ZFP57: variants seen among roughly 807,000 people sequenced by gnomAD.
The protein encoded by ZFP57 is zinc finger protein 57 homolog.
ZFP57 carries 12 observed loss-of-function variants against 15.8 expected under a neutral mutation model. That is an observed-to-expected ratio of 0.76 (90% CI 0.49 to 1.23). The LOEUF (loss-of-function observed/expected upper bound fraction) is 1.23, where lower values mean the gene tolerates loss of function less well. Ranked by LOEUF, ZFP57 falls within the 50% of genes most tolerant of loss-of-function variation. The pLI, the probability that ZFP57 is intolerant of heterozygous loss-of-function variation, is 0.00. For synonymous variants in ZFP57, 203 were observed against 242.3 expected, an observed-to-expected ratio of 0.84 and a Z score of 1.51; for missense variants, 536 against 654.9, an observed-to-expected ratio of 0.82 and a Z score of 1.98.
At chr6:29,676,765 G>A (rs1201073228) in intron 2 of ZFP57, 116 bp downstream of exon 2, 4 of 1,366,562 alleles carry the variant, frequency 2.9e-6, no homozygotes, top group African/African-American at 1.5e-5. Context: ...TTTTCTGGAT[G>A]TCGTTCAGTC....
intron 1 of ZFP57, among the ~76,000 whole-genome samples, chr6:29,678,063 G>T (rs1016946262): frequency 6.6e-6 from 1 of 152,138 alleles, no homozygotes; most frequent in African/African-American, 2.4e-5. Context: ...AAATAGCTGG[G>T]CATAGTGGCA....
intron 1 of ZFP57, among the ~76,000 whole-genome samples, chr6:29,677,675 C>T (rs554252275): frequency 1.3e-5 from 2 of 152,142 alleles, no homozygotes; most frequent in South Asian, 2.1e-4. Context: ...CAGATCACCT[C>T]GAGTGAGTCT....
At chr6:29,674,905 C>G (rs1181191766) in intron 4 of ZFP57, among the ~76,000 whole-genome samples, 1 of 152,138 alleles carries the variant, frequency 6.6e-6, no homozygotes, top group East Asian at 1.9e-4. Context: ...GTAATCCCAG[C>G]ACTTTGGGAG....
chr6:29,679,605 T>A (rs925296977), intron 1 of ZFP57, among the ~76,000 whole-genome samples: 1 of 152,150 alleles, frequency 6.6e-6, no homozygotes, highest in Admixed American at 6.5e-5. Context: ...ACAGCCTTAA[T>A]AAGGCTGGGC....
intron 2 of ZFP57, among the ~76,000 whole-genome samples, chr6:29,676,399 G>A (rs902192989): frequency 6.6e-6 from 1 of 152,010 alleles, no homozygotes; most frequent in African/African-American, 2.4e-5. Flanking sequence ...AGCTGGGCAT[G>A]GTGGCGCATG....
In ZFP57 at chr6:29,673,010, C is replaced by G. The variant is rs202183128; in HGVS notation, c.1101G>C (p.Gln367His). 65 of 1,612,916 alleles carry G rather than the reference C, an allele frequency of 4.0e-5. No individual in the cohort carries two copies. The highest frequency in any genetic ancestry group is 1.6e-4 in the Middle Eastern group (1 of 6,084). The change falls in exon 5 of 5, where the codon CAG becomes CAC. Residue 367 changes from glutamine (Q) to histidine (H), a missense_variant. Coordinates refer to ENST00000376883, the MANE Select transcript of ZFP57 (RefSeq NM_001109809.5). The surrounding 1 kb of genome is among the most constrained non-coding windows in gnomAD (Gnocchi z 4.7). Reference protein sequence around the residue: ...TQAPITGTLCQDARSNSHPVK... With the variant: ...TQAPITGTLCHDARSNSHPVK... ...CTGGATGAGAGTTGGATCTGGCATC[C>G]TGACAGAGGGTTCCAGTGATGGGTG...
At chr6:29,676,102 ATGTG>A (rs9280638) in intron 2 of ZFP57, 43 bp from the exon 3 acceptor site, 158 of 1,264,208 alleles carry the variant, frequency 1.2e-4, no homozygotes, top group Non-Finnish European at 1.5e-4. Flanking sequence ...ATAAATATAT[ATGTG>A]TGTGTGTGTG....
chr6:29,679,397 A>G (rs781687888), intron 1 of ZFP57, among the ~76,000 whole-genome samples: 2 of 152,230 alleles, frequency 1.3e-5, no homozygotes, highest in Non-Finnish European at 2.9e-5. Context: ...CTCGAGGAAT[A>G]GAGTTAATTG....
chr6:29,676,177 G>T (rs1772063979), intron 2 of ZFP57, 118 bp from the exon 3 acceptor site: 4 of 1,106,292 alleles, frequency 3.6e-6, no homozygotes, highest in Non-Finnish European at 5.2e-6. Context: ...CTAAGAGAAA[G>T]ATAAAACCAT....
intron 4 of ZFP57, among the ~76,000 whole-genome samples, chr6:29,674,184 GGAA>G (rs1185741546): frequency 5.7e-4 from 85 of 148,858 alleles, no homozygotes; most frequent in South Asian, 2.5e-3. Context: ...AGAAGAAGAA[GGAA>G]GAAGAAGAAG....
Position 29,673,337 on chromosome 6 carries a change from G to C in ZFP57, c.774C>G (p.Pro258=). 6.2e-7 allele frequency: 1 copy of C among 1,612,984 alleles called. No homozygotes were observed. The highest frequency in any genetic ancestry group is 8.5e-7 in the Non-Finnish European group (1 of 1,180,028). The change falls in exon 5 of 5, where the codon CCC becomes CCG. Residue 258 remains proline, a synonymous_variant. Transcript: ENST00000376883. The surrounding 1 kb of genome is among the most constrained non-coding windows in gnomAD (Gnocchi z 4.7). ...RHRRVHLGYR[P]HSCSVCGKSF... ...TCTTCCCACACACAGAGCATGAATGGGGCCGGTAACCCAGATGGACGCGGC... is the reference window on the plus strand; with the variant it reads ...TCTTCCCACACACAGAGCATGAATGCGGCCGGTAACCCAGATGGACGCGGC...
chr6:29,675,884 C>G (rs1246628909), intron 3 of ZFP57, 49 bp downstream of exon 3: 1 of 1,612,062 alleles, frequency 6.2e-7, no homozygotes, highest in Non-Finnish European at 8.5e-7. Flanking sequence ...ACCAGATGTT[C>G]CAGGGCCCTT....
At chr6:29,675,349 G>T in intron 4 of ZFP57, 37 bp downstream of exon 4, 2 of 1,449,686 alleles carry the variant, frequency 1.4e-6, no homozygotes, top group Non-Finnish European at 9.7e-7. Context: ...GTTATCCTGG[G>T]CCCTTTTCCC....
intron 1 of ZFP57, among the ~76,000 whole-genome samples, chr6:29,679,500 T>C (rs1163673944): frequency 6.6e-6 from 1 of 152,222 alleles, no homozygotes; most frequent in African/African-American, 2.4e-5. Flanking sequence ...TCTCTCTCCC[T>C]TTCCTTTCCT....
At chr6:29,679,710 C>T (rs1352319792) in intron 1 of ZFP57, among the ~76,000 whole-genome samples, 2 of 152,156 alleles carry the variant, frequency 1.3e-5, no homozygotes, top group East Asian at 3.9e-4. Flanking sequence ...CCAACATGGA[C>T]CTCGTCTCTA....
downstream of ZFP57, chr6:29,672,450 A>G: frequency 6.2e-7 from 1 of 1,604,974 alleles, no homozygotes; most frequent in Non-Finnish European, 8.5e-7. Context: ...CCCAGAGGTC[A>G]GTCCTCAGGA....
In ZFP57 at chr6:29,675,916, G is replaced by A; in HGVS notation, c.250+17C>T. On this transcript the variant is annotated intron_variant, in intron 3 of 4. Transcript: ENST00000376883. ...CCTTAGGACAGGGGGCTTGCTGAGGGAAGCCCAGCCTCTTACCCACAGATG... is the reference window on the plus strand; with the variant it reads ...CCTTAGGACAGGGGGCTTGCTGAGGAAAGCCCAGCCTCTTACCCACAGATG... 6.2e-7 allele frequency: 1 copy of A among 1,613,012 alleles called. No homozygotes were observed. The highest frequency in any genetic ancestry group is 8.5e-7 in the Non-Finnish European group (1 of 1,179,982).
At position 29,677,116 on chromosome 6, in the gene ZFP57, G is replaced by T; in HGVS notation, c.-113C>A. The T allele has an allele frequency of 6.6e-7, 1 of 1,514,136 alleles. No homozygotes were observed. Among genetic ancestry groups the T allele is most frequent in the South Asian group, 1.1e-5 (1 of 88,890 alleles). 93.8% of individuals were successfully genotyped at this position (1,514,136 alleles called of 1,614,324 possible). A position where few individuals can be genotyped will look rare whatever the true frequency, so the allele number is the denominator to read the frequency against. On this transcript the variant is annotated 5_prime_UTR_variant, in exon 2 of 5. Transcript: ENST00000376883. The stretch of plus-strand genomic sequence containing the variant: ...CTCCCAGTAACTGGGCAGATGGAGA[G>T]GCCCAGCAAAGGCCCCAGGGTTTGA...
intron 3 of ZFP57, 115 bp from the exon 4 acceptor site, chr6:29,675,602 A>T: frequency 1.1e-6 from 1 of 900,588 alleles, no homozygotes; most frequent in South Asian, 1.3e-5. Context: ...AACCTGGGAC[A>T]TGTAGATGCG....
Sources: gnomAD v4.1 joint callset for allele counts (sites outside exome capture counted in the v4.1 genomes callset) on GRCh38, gnomAD v4.1.1 for gene constraint, Gnocchi (gnomAD v3.1) non-coding constraint, MANE v1.5 for transcripts, NCBI Gene and HGNC (gene_info 2026-07-23, HGNC 2026-07-21) for gene names.